Variants in NFIB observed in about 807,000 individuals in gnomAD.
NFIB encodes nuclear factor 1 B-type.
In NFIB, 11 loss-of-function variants were observed where a neutral mutation model predicts 61.5. That is an observed-to-expected ratio of 0.18 (90% CI 0.11 to 0.30). The LOEUF (loss-of-function observed/expected upper bound fraction) is 0.30, where lower values mean the gene tolerates loss of function less well. NFIB is among the 10% of genes least tolerant of loss of function. NFIB has a pLI of 1.00. For missense variants in NFIB, 471 were observed against 608.9 expected (o/e 0.77, Z 2.38); for synonymous variants, 260 against 216.5 (o/e 1.20, Z -1.76).
chr9:14,416,523 A>G, the NFIB span, among the ~76,000 whole-genome samples: 32 of 152,192 alleles, frequency 2.1e-4, no homozygotes, highest in African/African-American at 7.7e-4. Context: ...AAAAATTACA[A>G]ATAAAAGAAA....
At chr9:14,518,468 G>T in the NFIB span, among the ~76,000 whole-genome samples, 1 of 150,246 alleles carries the variant, frequency 6.7e-6, no homozygotes, top group Non-Finnish European at 1.5e-5. Context: ...AACAGCCCAG[G>T]ATCCCCAGCT....
At chr9:14,486,126 C>T in the NFIB span, among the ~76,000 whole-genome samples, 1 of 152,138 alleles carries the variant, frequency 6.6e-6, no homozygotes, top group Non-Finnish European at 1.5e-5. Flanking sequence ...AGTAAAAGTT[C>T]TCTTGGTCAA....
chr9:14,245,601 A>C (rs1321058247), intron 2 of NFIB, among the ~76,000 whole-genome samples: 2 of 152,186 alleles, frequency 1.3e-5, no homozygotes, highest in Non-Finnish European at 2.9e-5. Flanking sequence ...GGCCGGGCTC[A>C]GTGGCTCACG....
At chr9:14,372,895 A>G (rs923558332) in intron 1 of NFIB, among the ~76,000 whole-genome samples, 1 of 151,822 alleles carries the variant, frequency 6.6e-6, no homozygotes, top group Non-Finnish European at 1.5e-5. Flanking sequence ...CTCAGGAAAA[A>G]GGTATAGGGA....
chr9:14,234,674 T>A (rs2053560076), intron 2 of NFIB, among the ~76,000 whole-genome samples: 1 of 151,968 alleles, frequency 6.6e-6, no homozygotes, highest in African/African-American at 2.4e-5. Flanking sequence ...CTCTTTTTTT[T>A]AACATTTTGT....
At chr9:14,462,303 G>A in the NFIB span, among the ~76,000 whole-genome samples, 1 of 147,210 alleles carries the variant, frequency 6.8e-6, no homozygotes. Flanking sequence ...TTTTTTTTCA[G>A]ACAGAGTCTT....
intron 1 of NFIB, among the ~76,000 whole-genome samples, chr9:14,380,781 C>G (rs1040730602): frequency 2.0e-5 from 3 of 152,038 alleles, no homozygotes; most frequent in African/African-American, 7.2e-5. Flanking sequence ...CTATTGCCAT[C>G]CCTGTTTCTT....
At chr9:14,107,649 ATGCCC>A (rs1347150296) in intron 10 of NFIB, among the ~76,000 whole-genome samples, 1 of 152,094 alleles carries the variant, frequency 6.6e-6, no homozygotes. Context: ...AAGGTTAGAA[ATGCCC>A]TGTCACATCA....
At chr9:14,124,269 C>T (rs954880756) in intron 7 of NFIB, among the ~76,000 whole-genome samples, 3 of 152,126 alleles carry the variant, frequency 2.0e-5, no homozygotes, top group Non-Finnish European at 4.4e-5. Flanking sequence ...GGTGATTTGA[C>T]TTCTCAGTTA....
At chr9:14,134,989 T>A (rs2040876109) in intron 6 of NFIB, among the ~76,000 whole-genome samples, 1 of 150,114 alleles carries the variant, frequency 6.7e-6, no homozygotes, top group Non-Finnish European at 1.5e-5. Context: ...ATAGCATATA[T>A]CATATAAGCT....
intron 10 of NFIB, among the ~76,000 whole-genome samples, chr9:14,093,912 T>G (rs1227675975): frequency 6.6e-6 from 1 of 152,100 alleles, no homozygotes. Context: ...AAATAGTACT[T>G]GATAAATATA....
chr9:14,234,373 C>CTT (rs34134132), intron 2 of NFIB, among the ~76,000 whole-genome samples: 3 of 146,988 alleles, frequency 2.0e-5, no homozygotes, highest in Admixed American at 6.7e-5. Flanking sequence ...TATCATTACT[C>CTT]TTTTTTTTTT....
intron 2 of NFIB, among the ~76,000 whole-genome samples, chr9:14,256,784 C>T (rs1305776689): frequency 6.6e-6 from 1 of 152,158 alleles, no homozygotes; most frequent in East Asian, 1.9e-4. Flanking sequence ...CAACAATGCA[C>T]CAGTTCCAGA....
chr9:14,289,640 T>G (rs2058962900), intron 2 of NFIB, among the ~76,000 whole-genome samples: 1 of 151,804 alleles, frequency 6.6e-6, no homozygotes, highest in Admixed American at 6.6e-5. Context: ...TAAATACATA[T>G]GCACACTTTG....
the NFIB span, among the ~76,000 whole-genome samples, chr9:14,413,302 C>A: frequency 6.6e-6 from 1 of 152,126 alleles, no homozygotes; most frequent in Non-Finnish European, 1.5e-5. Flanking sequence ...CTTCTACTTA[C>A]TTTTTCTGCA....
chr9:14,284,971 C>T (rs1310779002), intron 2 of NFIB, among the ~76,000 whole-genome samples: 1 of 152,048 alleles, frequency 6.6e-6, no homozygotes. Flanking sequence ...TTCAAGGTCT[C>T]CTACATAAGC....
chr9:14,292,524 C>G (rs1477886290), intron 2 of NFIB, among the ~76,000 whole-genome samples: 2 of 152,176 alleles, frequency 1.3e-5, no homozygotes, highest in Admixed American at 1.3e-4. Flanking sequence ...TGCTCTCTGC[C>G]AAGATAACCA....
At chr9:14,491,074 C>G in the NFIB span, among the ~76,000 whole-genome samples, 1 of 152,098 alleles carries the variant, frequency 6.6e-6, no homozygotes, top group African/African-American at 2.4e-5. Context: ...GGAAGCTAGT[C>G]CATGTGGTTT....
intron 1 of NFIB, among the ~76,000 whole-genome samples, chr9:14,354,531 C>A (rs1489314132): frequency 6.6e-6 from 1 of 152,092 alleles, no homozygotes; most frequent in East Asian, 1.9e-4. Flanking sequence ...GTACAAAGAC[C>A]AATTTGAGAG....
Sources: gnomAD v4.1 joint callset for allele counts (sites outside exome capture counted in the v4.1 genomes callset) on GRCh38, gnomAD v4.1.1 for gene constraint, MANE v1.5 for transcripts, NCBI Gene and HGNC (gene_info 2026-07-23, HGNC 2026-07-21) for gene names.